Variants in PPP4R3A observed in about 807,000 individuals in gnomAD.
PPP4R3A encodes the protein protein phosphatase 4 regulatory subunit 3A.
In PPP4R3A, 15 loss-of-function variants were observed where a neutral mutation model predicts 91.7. The observed-to-expected ratio is 0.16, with a 90% CI of 0.11 to 0.25. The LOEUF (loss-of-function observed/expected upper bound fraction) is 0.25. Ranked by LOEUF, PPP4R3A falls within the 10% of genes least tolerant of loss-of-function variation. The probability of loss-of-function intolerance (pLI) is 1.00; values close to 1 mark genes in which losing one functional copy is unlikely to be tolerated. For missense variants in PPP4R3A, 623 were observed against 998.4 expected, an observed-to-expected ratio of 0.62 and a Z score of 5.07; for synonymous variants, 377 against 348.7, an observed-to-expected ratio of 1.08 and a Z score of -0.91.
intron 1 of PPP4R3A, among the ~76,000 whole-genome samples, chr14:91,498,627 T>A (rs554660719): frequency 3.3e-5 from 5 of 151,950 alleles, no homozygotes; most frequent in East Asian, 1.9e-4. Flanking sequence ...CCTGGCTAAT[T>A]TTTTTGGCTG....
At chr14:91,500,868 C>CA (rs1002751096) in intron 1 of PPP4R3A, among the ~76,000 whole-genome samples, 13 of 151,960 alleles carry the variant, frequency 8.6e-5, no homozygotes, top group Non-Finnish European at 1.5e-4. Flanking sequence ...CCTGTCTCTA[C>CA]AAAAAATGCA....
chr14:91,463,576 G>A (rs1416104836), intron 11 of PPP4R3A, among the ~76,000 whole-genome samples: 2 of 150,904 alleles, frequency 1.3e-5, no homozygotes, highest in East Asian at 2.0e-4. Flanking sequence ...TAGGACTATC[G>A]GCATGCACCA....
intron 4 of PPP4R3A, among the ~76,000 whole-genome samples, chr14:91,479,552 AT>A (rs1305707134): frequency 2.6e-5 from 4 of 151,510 alleles, no homozygotes; most frequent in Admixed American, 6.6e-5. Context: ...AAAAAAAAAA[AT>A]CTTTTTTGAG....
chr14:91,503,572 A>G (rs1203084916), intron 1 of PPP4R3A, among the ~76,000 whole-genome samples: 1 of 152,224 alleles, frequency 6.6e-6, no homozygotes, highest in Non-Finnish European at 1.5e-5. Flanking sequence ...AGTAGTACAA[A>G]GGGGCAGAGG....
Position 91,461,555 on chromosome 14 carries a change from C to A in PPP4R3A, c.2217G>T (p.Arg739=), listed in dbSNP as rs1888161923. ...EVLLKTNLSG[R]QSPSFKLSLS... ...GGGAAAGCTTGAAACTTGGGCTCTG[C>A]CGTCCAGAAAGGTTTGTTTTCAGAA... The change falls in exon 14 of 15, where the codon CGG becomes CGT. Residue 739 remains arginine (R), a synonymous_variant. Transcript: ENST00000554943. The A allele has an allele frequency of 3.7e-6, 6 of 1,613,888 alleles. No individual in the cohort carries two copies. The East Asian group carries it at 1.3e-4, about 36-fold the overall frequency.
intron 10 of PPP4R3A, among the ~76,000 whole-genome samples, chr14:91,467,996 A>G (rs976266315): frequency 1.5e-4 from 23 of 152,346 alleles, no homozygotes; most frequent in African/African-American, 5.5e-4. Context: ...TAGTTCTTAG[A>G]TATCTTTGAT....
rs1213023887 is a variant in PPP4R3A, at chr14:91,461,477, C to G, written c.2295G>C (p.Leu765=). 2 of 1,614,100 alleles carry G rather than the reference C, an allele frequency of 1.2e-6. No homozygotes were observed. The highest frequency in any genetic ancestry group is 2.2e-5 in the East Asian group (1 of 44,882). The change falls in exon 14 of 15, where the codon CTG becomes CTC. Residue 765 remains leucine (L), a synonymous_variant. Transcript: ENST00000554943. ...ATCCAGGTGATCCCGGAGAACCAGG[C>G]AGATTTGTTGTAGATGACTGGCTGG... The part of the protein sequence containing the change: ...NLTSQSSTTN[L]PGSPGSPGSP...
At chr14:91,469,714 G>A (rs1171806811) in intron 10 of PPP4R3A, among the ~76,000 whole-genome samples, 2 of 151,844 alleles carry the variant, frequency 1.3e-5, no homozygotes, top group African/African-American at 4.8e-5. Flanking sequence ...GACTATAGGC[G>A]TGCACCACCA....
intron 3 of PPP4R3A, 75 bp from the exon 4 acceptor site, chr14:91,482,268 A>G (rs535270127): frequency 2.1e-6 from 3 of 1,434,892 alleles, no homozygotes; most frequent in Non-Finnish European, 1.8e-6. Context: ...TCTAAGATGA[A>G]TACTAGAAAT....
intron 14 of PPP4R3A, among the ~76,000 whole-genome samples, chr14:91,460,175 CTAA>C (rs1383077424): frequency 2.0e-5 from 3 of 152,028 alleles, no homozygotes; most frequent in Non-Finnish European, 1.5e-5. Flanking sequence ...CCACACGCGG[CTAA>C]TGTTTTTGTA....
chr14:91,490,134 C>T (rs969363087), intron 2 of PPP4R3A, among the ~76,000 whole-genome samples: 18 of 152,138 alleles, frequency 1.2e-4, no homozygotes, highest in Admixed American at 1.1e-3. Context: ...TGTGGGTGTA[C>T]GTGAAGCGCA....
At chr14:91,475,378 T>A (rs1223005624) in intron 7 of PPP4R3A, 2 of 174,988 alleles carry the variant, frequency 1.1e-5, no homozygotes, top group African/African-American at 4.8e-5. Context: ...TCTCTATGGC[T>A]AGGCAGTAAA....
chr14:91,505,658 A>G (rs991446723), intron 1 of PPP4R3A, among the ~76,000 whole-genome samples: 3 of 152,210 alleles, frequency 2.0e-5, no homozygotes, highest in African/African-American at 4.8e-5. Context: ...CTGAAAATCA[A>G]AAGTTTTTTT....
rs540079336 is a variant in PPP4R3A at position 91,509,699 on chromosome 14, G to A, written c.-52C>T. ...GCCCCGCCAGTAGACGCCCAGGAAAGGGGCCCTGGAGAGGCGAGGGGCGAG... is the reference window on the plus strand; with the variant it reads ...GCCCCGCCAGTAGACGCCCAGGAAAAGGGCCCTGGAGAGGCGAGGGGCGAG... On this transcript the variant is annotated 5_prime_UTR_variant, in exon 1 of 15. Coordinates refer to ENST00000554943, the MANE Select transcript of PPP4R3A (RefSeq NM_001366432.2). 8 of 1,573,662 alleles carry A rather than the reference G, an allele frequency of 5.1e-6. No individual in the cohort carries two copies. Among genetic ancestry groups the A allele is most frequent in the Middle Eastern group, 2.0e-4 (1 of 5,036 alleles).
chr14:91,493,081 A>C (rs2140139313), intron 1 of PPP4R3A, among the ~76,000 whole-genome samples: 1 of 152,232 alleles, frequency 6.6e-6, no homozygotes, highest in South Asian at 2.1e-4. Flanking sequence ...AATAACAATA[A>C]AATAAAATAA....
intron 1 of PPP4R3A, among the ~76,000 whole-genome samples, chr14:91,507,563 T>C (rs1444725795): frequency 4.4e-5 from 3 of 68,800 alleles, no homozygotes; most frequent in Non-Finnish European, 8.6e-5. Flanking sequence ...TTATATATAC[T>C]ATATATTATA....
Position 91,510,038 on chromosome 14 carries a change from G to T in PPP4R3A, c.-391C>A. ...TCCCGCGCCGCCGCCGCCTCCTCAG[G>T]CCGCCGCCGCCGCCGCCATATTTTC... is the stretch of plus-strand genomic sequence containing the variant. On this transcript the variant is annotated 5_prime_UTR_variant, in exon 1 of 15. Transcript: ENST00000554943. 1 of 645,636 alleles carries T rather than the reference G, an allele frequency of 1.5e-6. No homozygotes were observed. Among genetic ancestry groups the T allele is most frequent in the Non-Finnish European group, 1.9e-6 (1 of 517,732 alleles). 40.0% of individuals were successfully genotyped at this position (645,636 alleles called of 1,614,324 possible). A position where few individuals can be genotyped will look rare whatever the true frequency, so the allele number is the denominator to read the frequency against.
intron 1 of PPP4R3A, among the ~76,000 whole-genome samples, chr14:91,504,264 G>A (rs1891142346): frequency 6.6e-6 from 1 of 150,650 alleles, no homozygotes; most frequent in African/African-American, 2.4e-5. Context: ...GAAGTTTGAG[G>A]TTACAGTGAG....
intron 3 of PPP4R3A, among the ~76,000 whole-genome samples, chr14:91,484,496 G>A (rs1225304439): frequency 6.6e-6 from 1 of 152,180 alleles, no homozygotes; most frequent in Non-Finnish European, 1.5e-5. Context: ...GAACAGCAGA[G>A]GTGACCTAGC....
Sources: allele counts gnomAD v4.1 joint callset (sites outside exome capture counted in the v4.1 genomes callset), GRCh38; gene constraint gnomAD v4.1.1; transcripts MANE v1.5; gene names NCBI Gene and HGNC (gene_info 2026-07-23, HGNC 2026-07-21).